Variants in ANKRD29 observed in about 807,000 individuals in gnomAD.
The protein encoded by ANKRD29 is ankyrin repeat domain-containing protein 29.
ANKRD29 carries 32 observed loss-of-function variants against 38.0 expected under a neutral mutation model. The observed-to-expected ratio is 0.84, with a 90% confidence interval of 0.64 to 1.13. The LOEUF is 1.13. ANKRD29 is among the 50% of genes most tolerant of loss of function. The pLI, the probability that ANKRD29 is intolerant of heterozygous loss-of-function variation, is 0.00. For missense variants in ANKRD29, 357 were observed against 377.9 expected (o/e 0.94, Z 0.46); for synonymous variants, 135 against 152.4 (o/e 0.89, Z 0.84).
At chr18:23,631,386 G>A (rs1013153505) in intron 5 of ANKRD29, among the ~76,000 whole-genome samples, 3 of 150,188 alleles carry the variant, frequency 2.0e-5, no homozygotes, top group East Asian at 2.0e-4. Flanking sequence ...GACTACAGGC[G>A]TGCATCACCA....
chr18:23,661,148 A>G (rs1052338378), intron 1 of ANKRD29, among the ~76,000 whole-genome samples: 6 of 152,142 alleles, frequency 3.9e-5, no homozygotes, highest in African/African-American at 1.4e-4. Context: ...CTTCTTCAAG[A>G]TTTTGTCCTC....
chr18:23,616,624 A>G (rs1305073523), intron 8 of ANKRD29, among the ~76,000 whole-genome samples: 1 of 141,596 alleles, frequency 7.1e-6, no homozygotes, highest in Non-Finnish European at 1.5e-5. Flanking sequence ...AGTGTATAGT[A>G]AATACATTCT....
chr18:23,615,445 G>T (rs927018004), intron 8 of ANKRD29, among the ~76,000 whole-genome samples: 2 of 151,760 alleles, frequency 1.3e-5, no homozygotes, highest in African/African-American at 4.8e-5. Context: ...TTTTGAGACA[G>T]GAGCTTCTCT....
intron 6 of ANKRD29, among the ~76,000 whole-genome samples, chr18:23,624,037 G>C (rs2059829065): frequency 6.6e-6 from 1 of 152,046 alleles, no homozygotes; most frequent in South Asian, 2.1e-4. Flanking sequence ...GTTTTGGAAT[G>C]TACCAAAATG....
chr18:23,615,720 G>T (rs757872297), intron 8 of ANKRD29, among the ~76,000 whole-genome samples: 1 of 151,874 alleles, frequency 6.6e-6, no homozygotes, highest in Non-Finnish European at 1.5e-5. Context: ...CCTTTTTGTT[G>T]TATTTTCTAT....
chr18:23,616,537 CTA>C (rs1201381603), intron 8 of ANKRD29, among the ~76,000 whole-genome samples: 1 of 115,052 alleles, frequency 8.7e-6, no homozygotes, highest in East Asian at 4.0e-4. Flanking sequence ...TAAATTTATA[CTA>C]TATATATATA....
At chr18:23,644,107 A>G (rs573255563) in intron 3 of ANKRD29, among the ~76,000 whole-genome samples, 4 of 152,364 alleles carry the variant, frequency 2.6e-5, no homozygotes, top group Non-Finnish European at 4.4e-5. Context: ...GTAAATCTTC[A>G]AAGGCTTTTG....
Position 23,622,039 on chromosome 18 carries a change from G to A in ANKRD29, c.529-2410C>T, listed in dbSNP as rs556182582. On this transcript the variant is annotated intron_variant, in intron 6 of 9. Transcript: ENST00000592179. ...AGAAGAGACATGGAGGTTTCCATACGACTGCAGTGCCATCATAAAGTATGG... is the reference window on the plus strand; with the variant it reads ...AGAAGAGACATGGAGGTTTCCATACAACTGCAGTGCCATCATAAAGTATGG... 2.6e-5 allele frequency among the ~76,000 whole-genome samples: 4 copies of A among 152,128 alleles called. 1 individual carries two copies. The South Asian group carries it at 8.3e-4, about 32-fold the overall frequency.
At chr18:23,636,586 A>T (rs549521009) in intron 4 of ANKRD29, among the ~76,000 whole-genome samples, 28 of 150,716 alleles carry the variant, frequency 1.9e-4, no homozygotes, top group East Asian at 8.0e-4. Flanking sequence ...AATTAAAAAA[A>T]TTTTTTTTAG....
intron 3 of ANKRD29, among the ~76,000 whole-genome samples, chr18:23,641,624 C>T (rs2060078260): frequency 6.6e-6 from 1 of 152,236 alleles, no homozygotes; most frequent in Non-Finnish European, 1.5e-5. Context: ...GCAGGAACAG[C>T]CTGGGTGCCG....
intron 8 of ANKRD29, among the ~76,000 whole-genome samples, chr18:23,613,990 C>T (rs2059679080): frequency 6.6e-6 from 1 of 152,164 alleles, no homozygotes; most frequent in Admixed American, 6.6e-5. Flanking sequence ...CCTTTGCCTC[C>T]CAAAGTGCTG....
intron 1 of ANKRD29, among the ~76,000 whole-genome samples, chr18:23,659,919 T>A (rs891177938): frequency 6.6e-6 from 1 of 151,864 alleles, no homozygotes; most frequent in Non-Finnish European, 1.5e-5. Flanking sequence ...AAGACCAGCC[T>A]GGCCAACATG....
At chr18:23,638,603 A>G (rs1399521641) in intron 4 of ANKRD29, among the ~76,000 whole-genome samples, 2 of 152,200 alleles carry the variant, frequency 1.3e-5, no homozygotes, top group African/African-American at 2.4e-5. Context: ...CAGTTCAGGA[A>G]AGGATAGAAG....
intron 8 of ANKRD29, among the ~76,000 whole-genome samples, chr18:23,617,369 G>T (rs764909783): frequency 6.6e-6 from 1 of 152,154 alleles, no homozygotes; most frequent in Non-Finnish European, 1.5e-5. Context: ...GAACAAAACA[G>T]AGTGGTTCTT....
intron 3 of ANKRD29, among the ~76,000 whole-genome samples, chr18:23,642,142 T>G (rs1462380022): frequency 3.9e-5 from 6 of 151,998 alleles, no homozygotes; most frequent in Non-Finnish European, 8.8e-5. Flanking sequence ...CATACCTCAT[T>G]CTTCTTGGAT....
chr18:23,640,942 T>G (rs1232415905), intron 3 of ANKRD29, among the ~76,000 whole-genome samples: 2 of 152,208 alleles, frequency 1.3e-5, no homozygotes, highest in African/African-American at 4.8e-5. Flanking sequence ...AAACTTGTTC[T>G]TAAGGGCCTG....
chr18:23,608,239 G>T (rs1322057536), intron 9 of ANKRD29, among the ~76,000 whole-genome samples: 2 of 152,206 alleles, frequency 1.3e-5, no homozygotes, highest in Non-Finnish European at 2.9e-5. Context: ...TTGAATGAAA[G>T]AATGAAAGCC....
chr18:23,606,813 A>G (rs948997008), intron 9 of ANKRD29, among the ~76,000 whole-genome samples: 4 of 152,158 alleles, frequency 2.6e-5, no homozygotes, highest in African/African-American at 9.6e-5. Context: ...ACAGTTAGCT[A>G]TGATGGCAAC....
chr18:23,661,493 G>A (rs1316928365), intron 1 of ANKRD29, among the ~76,000 whole-genome samples: 1 of 152,224 alleles, frequency 6.6e-6, no homozygotes, highest in Non-Finnish European at 1.5e-5. Context: ...ATCACCTGAG[G>A]TCAGGAGTTC....
Sources: gnomAD v4.1 joint callset for allele counts (sites outside exome capture counted in the v4.1 genomes callset) on GRCh38, gnomAD v4.1.1 for gene constraint, MANE v1.5 for transcripts, NCBI Gene and HGNC (gene_info 2026-07-23, HGNC 2026-07-21) for gene names.